NSMF: variants seen among roughly 807,000 people sequenced by gnomAD.
NSMF encodes nasal embryonic LHRH factor.
NSMF carries 31 observed loss-of-function variants against 71.0 expected under a neutral mutation model. The observed-to-expected ratio is 0.44, with a 90% CI of 0.33 to 0.59. NSMF has a LOEUF of 0.59. Among genes scored for constraint, NSMF ranks in the 20% least tolerant of loss-of-function variants. The pLI is 0.04. For synonymous variants in NSMF, 345 were observed against 287.1 expected, an observed-to-expected ratio of 1.20 and a Z score of -2.04; for missense variants, 673 against 740.5, an observed-to-expected ratio of 0.91 and a Z score of 1.06.
Position 137,452,449 on chromosome 9 carries a change from G to A in NSMF, c.1166-14C>T, listed in dbSNP as rs1564261076. 1 of 1,612,072 alleles carries A rather than the reference G, an allele frequency of 6.2e-7. No individual in the cohort carries two copies. Among genetic ancestry groups the A allele is most frequent in the Non-Finnish European group, 8.5e-7 (1 of 1,179,636 alleles). ...TCTCTATCTCCTCTGTGGGAGAGCG[G>A]GTGTGAGTGCTGCGGCCCCCACCCC... On this transcript the variant is annotated splice_polypyrimidine_tract_variant and intron_variant, in intron 11 of 15. Coordinates refer to ENST00000371475, the MANE Select transcript of NSMF (RefSeq NM_001130969.3).
chr9:137,453,737 G>A lies in NSMF; in HGVS notation c.916C>T (p.Arg306Ter). The change falls in exon 8 of 16, where the codon CGA (arginine) becomes TGA (stop). Residue 306 changes from arginine to a stop codon, truncating the protein, a stop_gained. Coordinates refer to ENST00000371475, the MANE Select transcript of NSMF (RefSeq NM_001130969.3). LOFTEE classifies it high-confidence loss of function. This position sits in a 1 kb window ranked among gnomAD's most constrained non-coding sequence, Gnocchi z 4.5. ...GCCTGTGCGGGGCACCTACTGTCTC[G>A]GGAGTCGTGGGAAGTGTCGGCTTTC... ...PMKADTSHDS[R>*]DSSDLQSSHC... is the part of the protein sequence containing the mutation. The A allele has an allele frequency of 6.2e-7, 1 of 1,601,116 alleles. No homozygotes were observed.
rs1482935416 is a variant in NSMF, at chr9:137,457,753, G to A, written c.282C>T (p.Gly94=). The change falls in exon 3 of 16, where the codon GGC becomes GGT. Residue 94 remains glycine, a synonymous_variant. Coordinates refer to ENST00000371475, the MANE Select transcript of NSMF (RefSeq NM_001130969.3). Reference sequence around the variant, plus strand: ...TGTACACTCGAGGCTGAGGGCCCTCGCCTGCGGGCTTCCTAATGCTGGGCT... The same window carrying A: ...TGTACACTCGAGGCTGAGGGCCCTCACCTGCGGGCTTCCTAATGCTGGGCT... ...SEEPSIRKPA[G]EGPQPRVYTI... The A allele has an allele frequency of 9.0e-6, 14 of 1,558,952 alleles. No individual in the cohort carries two copies. Among genetic ancestry groups the A allele is most frequent in the South Asian group, 3.5e-5 (3 of 84,700 alleles).
chr9:137,449,846 A>G, intron 14 of NSMF, 77 bp downstream of exon 14: 1 of 1,405,462 alleles, frequency 7.1e-7, no homozygotes, highest in Non-Finnish European at 1.0e-6. Flanking sequence ...AATGCCAGGA[A>G]ACATGGAAGG....
chr9:137,456,585 G>A, intron 3 of NSMF, 99 bp from the exon 4 acceptor site: 1 of 769,078 alleles, frequency 1.3e-6, no homozygotes, highest in Non-Finnish European at 2.3e-6. Flanking sequence ...CCAGGGGTCA[G>A]CAGAAGCTGG....
intron 3 of NSMF, among the ~76,000 whole-genome samples, chr9:137,457,082 G>C (rs1378655824): frequency 1.3e-5 from 2 of 152,078 alleles, no homozygotes; most frequent in Non-Finnish European, 2.9e-5. Context: ...CCAGTCTCCT[G>C]ATTAAGCGGT....
chr9:137,453,069 G>A lies in NSMF; in HGVS notation c.1034C>T (p.Pro345Leu). 2 of 1,612,558 alleles carry A rather than the reference G, an allele frequency of 1.2e-6. No individual in the cohort carries two copies. The highest frequency in any genetic ancestry group is 1.7e-6 in the Non-Finnish European group (2 of 1,179,910). Reference sequence around the variant, plus strand: ...GCTGGGCCTCACCATGACCTTTGGTGGCACGAAGCCTTCGGTGTCGCAGGC... The same window carrying A: ...GCTGGGCCTCACCATGACCTTTGGTAGCACGAAGCCTTCGGTGTCGCAGGC... ...AVACDTEGFV[P>L]PKVMLISSKV... is the part of the protein sequence containing the mutation. The change falls in exon 9 of 16, where the codon CCA becomes CTA. Residue 345 changes from proline (P) to leucine (L), a missense_variant. Pro to Leu is a moderately conservative substitution (Grantham distance 98, BLOSUM62 -3). This residue lies in a region of NSMF where 202 missense variants were observed against 280.8 expected (regional missense o/e 0.72). Coordinates refer to ENST00000371475, the MANE Select transcript of NSMF (RefSeq NM_001130969.3). The surrounding 1 kb of genome is among the most constrained non-coding windows in gnomAD (Gnocchi z 4.5).
At chr9:137,452,655 G>A (rs765750367) in intron 10 of NSMF, 69 bp from the exon 11 acceptor site, 163 of 1,605,454 alleles carry the variant, frequency 1.0e-4, no homozygotes, top group Non-Finnish European at 1.2e-4. Context: ...ACAGCACCCT[G>A]GGGACCTGGG....
intron 14 of NSMF, 100 bp downstream of exon 14, chr9:137,449,823 G>T (rs562574852): frequency 4.5e-6 from 6 of 1,340,344 alleles, no homozygotes; most frequent in Non-Finnish European, 6.4e-6. Flanking sequence ...GAATGCCCGG[G>T]GGAAGGAAAA....
Position 137,453,753 on chromosome 9 carries a change from G to T in NSMF, c.900C>A (p.Asp300Glu), listed in dbSNP as rs746336153. The T allele has an allele frequency of 2.5e-6, 4 of 1,602,472 alleles. No individual in the cohort carries two copies. ...TACTGTCTCGGGAGTCGTGGGAAGT[G>T]TCGGCTTTCATGGGGGTGGGGTCGC... The part of the protein sequence containing the change: ...SWSDPTPMKA[D>E]TSHDSRDSSD... The change falls in exon 8 of 16, where the codon GAC becomes GAA. Residue 300 changes from aspartate to glutamate, a missense_variant. Asp to Glu is a conservative substitution (Grantham distance 45). This residue lies in a region of NSMF where 471 missense variants were observed against 459.6 expected (regional missense o/e 1.02). Transcript: ENST00000371475. The surrounding 1 kb of genome is among the most constrained non-coding windows in gnomAD (Gnocchi z 4.5).
intron 13 of NSMF, 52 bp downstream of exon 13, chr9:137,450,124 G>A (rs1397190339): frequency 6.3e-7 from 1 of 1,587,676 alleles, no homozygotes; most frequent in South Asian, 1.1e-5. Flanking sequence ...ACATGCCAGG[G>A]CCTGGACTCT....
At chr9:137,456,666 C>T (rs903527230) in intron 3 of NSMF, among the ~76,000 whole-genome samples, 180 bp from the exon 4 acceptor site, 4 of 152,350 alleles carry the variant, frequency 2.6e-5, no homozygotes, top group Middle Eastern at 3.4e-3. Flanking sequence ...ATGTCTGCTG[C>T]TCACTCACCA....
Position 137,453,656 on chromosome 9 carries a change from A to T in NSMF, c.922+75T>A. The T allele has an allele frequency of 8.3e-7, 1 of 1,200,052 alleles. No individual in the cohort carries two copies. The highest frequency in any genetic ancestry group is 1.2e-6 in the Non-Finnish European group (1 of 861,342). The allele number at this position is 1,200,052 out of a possible 1,614,324, so 74.3% of individuals were successfully genotyped here. On this transcript the variant is annotated intron_variant, in intron 8 of 15. Coordinates refer to ENST00000371475, the MANE Select transcript of NSMF (RefSeq NM_001130969.3). This position sits in a 1 kb window ranked among gnomAD's most constrained non-coding sequence, Gnocchi z 4.5. ...AAAAGCGCAGCCCAGCGGCCCTGGC[A>T]GGGGACCCCCAGCAGGGGTCTGGGG...
At chr9:137,456,328 A>G in intron 4 of NSMF, 83 bp downstream of exon 4, 1 of 1,155,984 alleles carries the variant, frequency 8.7e-7, no homozygotes, top group South Asian at 1.2e-5. Flanking sequence ...TGGTAGGCCC[A>G]GAGACTGGGA....
Position 137,449,712 on chromosome 9 carries a change from G to A in NSMF, c.1420-38C>T, listed in dbSNP as rs369446480. 9 of 1,572,920 alleles carry A rather than the reference G, an allele frequency of 5.7e-6. No individual in the cohort carries two copies. In the African/African-American group the frequency reaches 8.1e-5, roughly 14 times the overall value. ...GGGTGCCATGAGTCCGAGGCAGAGA[G>A]ATGGGGAAGGAGGAGCGGGGAGGAG... On this transcript the variant is annotated intron_variant, in intron 14 of 15. Coordinates refer to ENST00000371475, the MANE Select transcript of NSMF (RefSeq NM_001130969.3).
At position 137,459,186 on chromosome 9, in the gene NSMF, G is replaced by T; in HGVS notation, c.-84C>A. 9.9e-7 allele frequency: 1 copy of T among 1,007,800 alleles called. No homozygotes were observed. Among genetic ancestry groups the T allele is most frequent in the South Asian group, 4.7e-5 (1 of 21,444 alleles). 62.4% of individuals were successfully genotyped at this position (1,007,800 alleles called of 1,614,324 possible). A position where few individuals can be genotyped will look rare whatever the true frequency, so the allele number is the denominator to read the frequency against. ...GCCGGGGTAGCCGCGCCGCACCGGG[G>T]GTCGCGCTCGGGCTCGGGCTCGGGG... On this transcript the variant is annotated 5_prime_UTR_variant, in exon 1 of 16. Transcript: ENST00000371475.
In NSMF at chr9:137,450,042, G is replaced by T. The variant is rs747703556; in HGVS notation, c.1317-17C>A. 1.9e-6 allele frequency: 3 copies of T among 1,609,050 alleles called. No homozygotes were observed. Among genetic ancestry groups the T allele is most frequent in the Non-Finnish European group, 2.5e-6 (3 of 1,176,698 alleles). The stretch of plus-strand genomic sequence containing the variant: ...TTCCAGAAGCTGGTGGAGAGGGGTG[G>T]GTCACCCAGTGGCAGGGGACAGGCA... On this transcript the variant is annotated splice_polypyrimidine_tract_variant and intron_variant, in intron 13 of 15. Transcript: ENST00000371475.
Position 137,453,507 on chromosome 9 carries a change from T to C in NSMF, c.922+224A>G, listed in dbSNP as rs1328506299. ...CCTGAGGGCCTCTTGCGAGTGGCGG[T>C]GGGCACGGCCCTACAGGCGCCCCCG... On this transcript the variant is annotated intron_variant, in intron 8 of 15. Coordinates refer to ENST00000371475, the MANE Select transcript of NSMF (RefSeq NM_001130969.3). This position sits in a 1 kb window ranked among gnomAD's most constrained non-coding sequence, Gnocchi z 4.5. 9 of 597,424 alleles carry C rather than the reference T, an allele frequency of 1.5e-5. No individual in the cohort carries two copies. The highest frequency in any genetic ancestry group is 4.5e-4 in the Middle Eastern group (1 of 2,220). 37.0% of individuals were successfully genotyped at this position (597,424 alleles called of 1,614,324 possible).
chr9:137,459,002 G>A, intron 1 of NSMF, 30 bp downstream of exon 1: 2 of 1,269,714 alleles, frequency 1.6e-6, no homozygotes, highest in South Asian at 5.1e-5. Flanking sequence ...TCCAGGGCGG[G>A]GTGCGGGAAG....
chr9:137,458,379 G>C (rs1249610875), intron 2 of NSMF, 109 bp downstream of exon 2: 5 of 999,332 alleles, frequency 5.0e-6, no homozygotes, highest in Non-Finnish European at 7.6e-6. Context: ...GCAGGGCGCC[G>C]GGCCCACGCG....
Sources: allele counts gnomAD v4.1 joint callset (sites outside exome capture counted in the v4.1 genomes callset), GRCh38; gene constraint gnomAD v4.1.1; regional missense constraint gnomAD v4.1.1; non-coding constraint Gnocchi (gnomAD v3.1); transcripts MANE v1.5; gene names NCBI Gene and HGNC (gene_info 2026-07-23, HGNC 2026-07-21).